Variants in MEF2C observed in about 807,000 individuals in gnomAD.
MEF2C encodes myocyte enhancer factor 2C, also known as myocyte-specific enhancer factor 2C.
A neutral mutation model predicts 50.5 loss-of-function variants in MEF2C; 6 were observed. The observed-to-expected ratio is 0.12, with a 90% CI of 0.07 to 0.23. MEF2C has a LOEUF of 0.23. MEF2C is among the 10% of genes least tolerant of loss of function. The pLI, the probability that MEF2C is intolerant of heterozygous loss-of-function variation, is 1.00. For synonymous variants in MEF2C, 183 were observed against 228.0 expected, an observed-to-expected ratio of 0.80 and a Z score of 1.78; for missense variants, 276 against 605.0, an observed-to-expected ratio of 0.46 and a Z score of 5.70.
At chr5:88,789,686 C>T (rs1360639971) in intron 3 of MEF2C, among the ~76,000 whole-genome samples, 2 of 152,138 alleles carry the variant, frequency 1.3e-5, no homozygotes, top group East Asian at 3.9e-4. Context: ...AAATAATTGA[C>T]AGAGAATTTT....
Position 88,727,449 on chromosome 5 carries a change from G to A in MEF2C, c.1100+1044C>T, listed in dbSNP as rs563417310. ...ATCATGTGAAAGCTAGTGGGTGGGG[G>A]GAGAGAGGGCACCAGCAAACATAAG... On this transcript the variant is annotated intron_variant, in intron 10 of 10. Coordinates refer to ENST00000504921, the MANE Select transcript of MEF2C (RefSeq NM_002397.5). Among the ~76,000 whole-genome samples, 3 of 152,156 alleles carry A rather than the reference G, an allele frequency of 2.0e-5. 1 individual carries two copies. The South Asian group carries it at 6.2e-4, about 32-fold the overall frequency.
At chr5:88,739,005 A>G (rs1256822376) in intron 6 of MEF2C, 1 of 980,360 alleles carries the variant, frequency 1.0e-6, no homozygotes, top group Non-Finnish European at 1.2e-6. Flanking sequence ...ATTTTGTAAT[A>G]TTTTAGTCAA....
At chr5:88,802,604 G>A (rs2153058683) in intron 3 of MEF2C, among the ~76,000 whole-genome samples, 1 of 152,102 alleles carries the variant, frequency 6.6e-6, no homozygotes, top group East Asian at 1.9e-4. Context: ...GTGCCACCAT[G>A]CCTGGCTAAT....
At chr5:88,741,978 A>G in intron 6 of MEF2C, 1 of 984,922 alleles carries the variant, frequency 1.0e-6, no homozygotes. Flanking sequence ...CAAATATGAT[A>G]CTGTATCATG....
intron 3 of MEF2C, among the ~76,000 whole-genome samples, chr5:88,762,641 T>C (rs1778386525): frequency 6.6e-6 from 1 of 152,090 alleles, no homozygotes; most frequent in South Asian, 2.1e-4. Context: ...ACAGAGATAA[T>C]GTTATGTTTT....
chr5:88,761,397 A>C (rs1448468563), intron 3 of MEF2C, 69 bp from the exon 4 acceptor site: 9 of 1,524,296 alleles, frequency 5.9e-6, no homozygotes, highest in Non-Finnish European at 7.9e-6. Flanking sequence ...GGCATTAAAG[A>C]AGTTCAAGCT....
intron 7 of MEF2C, among the ~76,000 whole-genome samples, chr5:88,731,081 T>A (rs1293846808): frequency 6.6e-6 from 1 of 152,188 alleles, no homozygotes; most frequent in Non-Finnish European, 1.5e-5. Flanking sequence ...TATTTATTTA[T>A]CTTCCTTAGA....
rs1227580926 is a variant in MEF2C, at chr5:88,717,453, A to G, written c.*5151T>C. On this transcript the variant is annotated 3_prime_UTR_variant, in exon 11 of 11. Transcript: ENST00000504921. Reference sequence around the variant, plus strand: ...TATAAGTTTCCTAAGAGAAAGGGCTACAACTTCATTCATCCTGGAATCACC... The same window carrying G: ...TATAAGTTTCCTAAGAGAAAGGGCTGCAACTTCATTCATCCTGGAATCACC... 1.3e-5 allele frequency: 2 copies of G among 152,236 alleles called. No individual in the cohort carries two copies. The highest frequency in any genetic ancestry group is 2.9e-5 in the Non-Finnish European group (2 of 68,046). The allele number at this position is 152,236 out of a possible 1,614,324, so 9.4% of individuals were successfully genotyped here. A position where few individuals can be genotyped will look rare whatever the true frequency, so the allele number is the denominator to read the frequency against.
intron 7 of MEF2C, 197 bp downstream of exon 7, chr5:88,731,532 T>TA (rs1761621933): frequency 7.8e-6 from 4 of 515,568 alleles, no homozygotes; most frequent in South Asian, 4.4e-5. Context: ...ATATATATAT[T>TA]TTTTTTACAC....
intron 3 of MEF2C, among the ~76,000 whole-genome samples, chr5:88,788,499 C>G (rs997079169): frequency 7.2e-5 from 11 of 152,038 alleles, no homozygotes; most frequent in African/African-American, 2.7e-4. Context: ...CATGAGCCAC[C>G]TCGGCCAGCC....
intron 6 of MEF2C, among the ~76,000 whole-genome samples, chr5:88,747,755 C>T (rs77722618): frequency 0.11 from 16,020 of 152,002 alleles, 985 homozygotes; most frequent in Non-Finnish European, 0.14. Flanking sequence ...ACATCTAAAC[C>T]ATTTTTCTTA....
chr5:88,848,292 T>C (rs979323123), intron 1 of MEF2C, among the ~76,000 whole-genome samples: 3 of 152,176 alleles, frequency 2.0e-5, no homozygotes, highest in Non-Finnish European at 2.9e-5. Flanking sequence ...AAAACCATTT[T>C]AGTAGAGGAT....
intron 1 of MEF2C, among the ~76,000 whole-genome samples, chr5:88,855,524 A>T (rs989741090): frequency 1.2e-4 from 19 of 152,210 alleles, no homozygotes; most frequent in African/African-American, 4.3e-4. Context: ...CCTTTCTGAT[A>T]CAGTTTGGCT....
At chr5:88,838,741 C>T (rs1406624994) in intron 1 of MEF2C, 22 of 984,306 alleles carry the variant, frequency 2.2e-5, no homozygotes, top group East Asian at 2.3e-4. Flanking sequence ...TTTTCCTTCT[C>T]GTTATGCTCT....
At chr5:88,847,577 C>T (rs1413284266) in intron 1 of MEF2C, among the ~76,000 whole-genome samples, 1 of 152,072 alleles carries the variant, frequency 6.6e-6, no homozygotes, top group Non-Finnish European at 1.5e-5. Context: ...ATCAGCTGAC[C>T]TGGACAATAT....
chr5:88,740,577 G>T, intron 6 of MEF2C: 1 of 985,014 alleles, frequency 1.0e-6, no homozygotes, highest in Non-Finnish European at 1.2e-6. Flanking sequence ...CCAAAATGCA[G>T]GTTGCTACCA....
intron 6 of MEF2C, chr5:88,733,819 C>T (rs1306858328): frequency 1.3e-5 from 13 of 985,176 alleles, no homozygotes; most frequent in African/African-American, 1.7e-5. Context: ...ACCCCCAAAA[C>T]GTGTGTTAAG....
chr5:88,775,730 G>A (rs1291993972), intron 3 of MEF2C: 6 of 735,254 alleles, frequency 8.2e-6, no homozygotes, highest in Non-Finnish European at 1.0e-5. Flanking sequence ...CATATATTAT[G>A]CAGATGATAA....
intron 1 of MEF2C, among the ~76,000 whole-genome samples, chr5:88,873,782 A>T (rs1830285185): frequency 6.7e-6 from 1 of 150,088 alleles, no homozygotes; most frequent in African/African-American, 2.5e-5. Context: ...AATGAAAGAA[A>T]AAAATAGTCA....
Sources: allele counts gnomAD v4.1 joint callset (sites outside exome capture counted in the v4.1 genomes callset), GRCh38; gene constraint gnomAD v4.1.1; transcripts MANE v1.5; gene names NCBI Gene and HGNC (gene_info 2026-07-23, HGNC 2026-07-21).